The following AKT3 variants were observed in gnomAD, a reference collection of about 807,000 sequenced individuals.
AKT3 encodes RAC-gamma serine/threonine-protein kinase.
AKT3 carries 15 observed loss-of-function variants against 65.3 expected under a neutral mutation model. The observed-to-expected ratio is 0.23, with a 90% CI of 0.15 to 0.35. AKT3 has a LOEUF of 0.35. Among genes scored for constraint, AKT3 ranks in the 10% least tolerant of loss-of-function variants. The pLI, the probability that AKT3 is intolerant of heterozygous loss-of-function variation, is 1.00. For missense variants in AKT3, 243 were observed against 576.5 expected (o/e 0.42, Z 5.92); for synonymous variants, 206 against 183.8 (o/e 1.12, Z -0.98).
intron 12 of AKT3, among the ~76,000 whole-genome samples, chr1:243,531,160 A>G (rs2148413050): frequency 6.6e-6 from 1 of 152,272 alleles, no homozygotes; most frequent in African/African-American, 2.4e-5. Flanking sequence ...GTGTGATCAC[A>G]GCTCATTGCA....
intron 6 of AKT3, among the ~76,000 whole-genome samples, chr1:243,628,042 G>C (rs1371601746): frequency 2.0e-5 from 3 of 152,206 alleles, no homozygotes; most frequent in African/African-American, 7.2e-5. Flanking sequence ...ATGCTGTCCA[G>C]CAGTAACCAC....
intron 2 of AKT3, among the ~76,000 whole-genome samples, chr1:243,810,070 A>G (rs1572388609): frequency 6.6e-6 from 1 of 152,258 alleles, no homozygotes; most frequent in South Asian, 2.1e-4. Flanking sequence ...AATGCCCACA[A>G]GAGAAAGCAG....
At chr1:243,602,179 A>T (rs948467166) in intron 8 of AKT3, among the ~76,000 whole-genome samples, 1 of 152,238 alleles carries the variant, frequency 6.6e-6, no homozygotes, top group African/African-American at 2.4e-5. Context: ...TAATGCAGTG[A>T]GATACTGGTT....
intron 6 of AKT3, among the ~76,000 whole-genome samples, chr1:243,627,875 T>G (rs1406290642): frequency 1.3e-5 from 2 of 152,200 alleles, no homozygotes; most frequent in Non-Finnish European, 2.9e-5. Flanking sequence ...TAAAACTACC[T>G]GAAAGGACAC....
chr1:243,608,701 C>G (rs1422419309), intron 8 of AKT3, among the ~76,000 whole-genome samples: 4 of 146,312 alleles, frequency 2.7e-5, no homozygotes, highest in African/African-American at 1.0e-4. Context: ...AAAAATATAA[C>G]TACTATGTTT....
At chr1:243,622,180 A>C (rs1263582929) in intron 6 of AKT3, among the ~76,000 whole-genome samples, 1 of 152,194 alleles carries the variant, frequency 6.6e-6, no homozygotes, top group Non-Finnish European at 1.5e-5. Context: ...GAATGTGCTA[A>C]GTAAGCTCCC....
At chr1:243,838,447 T>A (rs927921124) in intron 2 of AKT3, among the ~76,000 whole-genome samples, 1 of 152,022 alleles carries the variant, frequency 6.6e-6, no homozygotes, top group East Asian at 1.9e-4. Context: ...CTCCTAATCA[T>A]TTTATAACTT....
intron 2 of AKT3, among the ~76,000 whole-genome samples, chr1:243,755,518 T>G (rs539820295): frequency 3.3e-5 from 5 of 152,298 alleles, no homozygotes; most frequent in African/African-American, 1.2e-4. Context: ...TACTGATAGA[T>G]TCACTGATAA....
chr1:243,818,453 A>C (rs1232966765), intron 2 of AKT3, among the ~76,000 whole-genome samples: 2 of 152,188 alleles, frequency 1.3e-5, no homozygotes, highest in African/African-American at 4.8e-5. Context: ...TAAATAAAGA[A>C]ATTAGTTTGT....
chr1:243,545,848 T>C (rs1427549550), intron 11 of AKT3, among the ~76,000 whole-genome samples: 1 of 152,210 alleles, frequency 6.6e-6, no homozygotes, highest in Non-Finnish European at 1.5e-5. Context: ...GGCAATCATG[T>C]CTGGCACTTA....
intron 4 of AKT3, among the ~76,000 whole-genome samples, chr1:243,655,524 C>A (rs570072348): frequency 1.3e-5 from 2 of 151,972 alleles, no homozygotes; most frequent in Non-Finnish European, 1.5e-5. Context: ...GTCCTGGACA[C>A]AACACATGAA....
chr1:243,693,769 C>G (rs569916111), intron 3 of AKT3, among the ~76,000 whole-genome samples: 5 of 152,020 alleles, frequency 3.3e-5, no homozygotes, highest in Admixed American at 2.0e-4. Flanking sequence ...TTGAAGATTG[C>G]GGTAAGTCAA....
At chr1:243,505,583 A>G (rs1558573797) in intron 13 of AKT3, among the ~76,000 whole-genome samples, 1 of 152,218 alleles carries the variant, frequency 6.6e-6, no homozygotes, top group Non-Finnish European at 1.5e-5. Context: ...AGACTCAATG[A>G]AACAGTGAAA....
intron 12 of AKT3, among the ~76,000 whole-genome samples, chr1:243,539,568 G>A (rs1044861286): frequency 3.9e-5 from 6 of 152,012 alleles, no homozygotes; most frequent in African/African-American, 7.2e-5. Context: ...AGAACATACA[G>A]CAACATAAGC....
chr1:243,748,721 A>G (rs1688624196), intron 2 of AKT3, among the ~76,000 whole-genome samples: 1 of 152,190 alleles, frequency 6.6e-6, no homozygotes, highest in Non-Finnish European at 1.5e-5. Context: ...TGTTCTCATG[A>G]GAATATTCTC....
In AKT3 at chr1:243,512,576, T is replaced by A. The variant is rs1670086250; in HGVS notation, c.1252-150A>T. On this transcript the variant is annotated intron_variant, in intron 12 of 13. Transcript: ENST00000673466. ...GGTAAGGGAGACATGATATTTGGCT[T>A]CCCAGTCAACAGTCTAAACCAACCG... 16 of 577,816 alleles carry A rather than the reference T, an allele frequency of 2.8e-5. No individual in the cohort carries two copies. In the South Asian group the frequency reaches 3.8e-4, roughly 14 times the overall value. The allele number at this position is 577,816 out of a possible 1,614,324, so 35.8% of individuals were successfully genotyped here.
intron 2 of AKT3, among the ~76,000 whole-genome samples, chr1:243,824,624 T>C (rs1241772594): frequency 1.3e-5 from 2 of 151,890 alleles, no homozygotes; most frequent in Non-Finnish European, 2.9e-5. Context: ...AAAGAAGGCA[T>C]ACATGCAGCC....
At chr1:243,832,442 A>G (rs772728983) in intron 2 of AKT3, among the ~76,000 whole-genome samples, 2 of 152,200 alleles carry the variant, frequency 1.3e-5, no homozygotes, top group Non-Finnish European at 2.9e-5. Flanking sequence ...TAAAACACAT[A>G]CCTAGCAAAA....
intron 2 of AKT3, among the ~76,000 whole-genome samples, chr1:243,757,247 G>A (rs1689195425): frequency 6.6e-6 from 1 of 152,146 alleles, no homozygotes; most frequent in Non-Finnish European, 1.5e-5. Context: ...TTTTACATAA[G>A]AGCATGTCAA....
Sources: allele counts gnomAD v4.1 joint callset (sites outside exome capture counted in the v4.1 genomes callset), GRCh38; gene constraint gnomAD v4.1.1; transcripts MANE v1.5; gene names NCBI Gene and HGNC (gene_info 2026-07-23, HGNC 2026-07-21).